GLRA3: variants seen among roughly 807,000 people sequenced by gnomAD.
GLRA3 encodes the protein glycine receptor alpha 3.
A neutral mutation model predicts 60.4 loss-of-function variants in GLRA3; 44 were observed. That is an observed-to-expected ratio of 0.73 (90% CI 0.57 to 0.94). The LOEUF is 0.94. Among genes scored for constraint, GLRA3 ranks in the 40% least tolerant of loss-of-function variants. The pLI, the probability that GLRA3 is intolerant of heterozygous loss-of-function variation, is 0.00. For synonymous variants in GLRA3, 223 were observed against 192.9 expected (o/e 1.16, Z -1.29); for missense variants, 508 against 564.6 (o/e 0.90, Z 1.02).
At chr4:174,789,366 G>T (rs1328950030) in intron 1 of GLRA3, among the ~76,000 whole-genome samples, 1 of 151,794 alleles carries the variant, frequency 6.6e-6, no homozygotes, top group East Asian at 1.9e-4. Context: ...TTCAGGTTTT[G>T]TGAATTATTC....
At chr4:174,689,751 C>T (rs563509047) in intron 5 of GLRA3, among the ~76,000 whole-genome samples, 2 of 79,264 alleles carry the variant, frequency 2.5e-5, no homozygotes, top group Non-Finnish European at 4.5e-5. Context: ...AGTGGTAAGT[C>T]GCATTAAAAA....
chr4:174,716,983 T>C (rs913439352), intron 4 of GLRA3, among the ~76,000 whole-genome samples: 13 of 151,830 alleles, frequency 8.6e-5, no homozygotes, highest in Non-Finnish European at 1.8e-4. Context: ...AGAGGATCGC[T>C]TGAGCCCAGT....
At chr4:174,806,196 A>T (rs1740044425) in intron 1 of GLRA3, among the ~76,000 whole-genome samples, 1 of 152,158 alleles carries the variant, frequency 6.6e-6, no homozygotes, top group Admixed American at 6.6e-5. Flanking sequence ...TATAAACTTA[A>T]ATCTGCAGCT....
chr4:174,664,432 A>T (rs1733577857), intron 7 of GLRA3, among the ~76,000 whole-genome samples: 1 of 152,122 alleles, frequency 6.6e-6, no homozygotes, highest in South Asian at 2.1e-4. Flanking sequence ...AAACAAAAAA[A>T]CAACAACAGC....
chr4:174,701,770 A>T (rs1377762704), intron 5 of GLRA3, among the ~76,000 whole-genome samples: 1 of 152,218 alleles, frequency 6.6e-6, no homozygotes. Flanking sequence ...TTAAGACTTC[A>T]GTGGAGGAAG....
chr4:174,743,817 C>A (rs1737120913), intron 3 of GLRA3, among the ~76,000 whole-genome samples: 1 of 152,000 alleles, frequency 6.6e-6, no homozygotes, highest in Non-Finnish European at 1.5e-5. Flanking sequence ...ATATTACATA[C>A]AATAGGTGTT....
intron 7 of GLRA3, among the ~76,000 whole-genome samples, chr4:174,674,443 G>A (rs1396585384): frequency 6.6e-6 from 1 of 152,130 alleles, no homozygotes; most frequent in East Asian, 1.9e-4. Context: ...TGCTTTGAGA[G>A]ACTACATGCT....
In GLRA3 at chr4:174,678,338, C is replaced by T. The variant is rs143627663; in HGVS notation, c.713-1046G>A. On this transcript the variant is annotated intron_variant, in intron 6 of 9. Transcript: ENST00000274093. ...TTTATACTACTCTATGTTATCTCTC[C>T]TTTATAAAAATTGTTCTTCTAAATC... is the stretch of plus-strand genomic sequence containing the variant. Among the ~76,000 whole-genome samples, 913 of 152,270 alleles carry T rather than the reference C, an allele frequency of 6.0e-3. 9 individuals carry two copies. Among genetic ancestry groups the T allele is most frequent in the African/African-American group, 0.021 (881 of 41,556 alleles).
chr4:174,691,540 C>A (rs544482415), intron 5 of GLRA3, among the ~76,000 whole-genome samples: 1 of 151,960 alleles, frequency 6.6e-6, no homozygotes, highest in African/African-American at 2.4e-5. Flanking sequence ...CAGGCGCGCG[C>A]GCCGCCACGC....
At chr4:174,750,020 C>T (rs17060835) in intron 3 of GLRA3, among the ~76,000 whole-genome samples, 8,244 of 152,110 alleles carry the variant, frequency 0.054, 287 homozygotes, top group Non-Finnish European at 0.059. Context: ...AGGGGTATAC[C>T]TATTTTTCTT....
At chr4:174,725,712 G>A (rs1485171232) in intron 4 of GLRA3, among the ~76,000 whole-genome samples, 1 of 152,020 alleles carries the variant, frequency 6.6e-6, no homozygotes, top group African/African-American at 2.4e-5. Context: ...AAACTCCTGG[G>A]CTCAAGCAAT....
intron 8 of GLRA3, 135 bp downstream of exon 8, chr4:174,658,919 G>A (rs1579399057): frequency 1.4e-6 from 1 of 736,750 alleles, no homozygotes. Flanking sequence ...GTTTGGATTG[G>A]AAAAAAATGA....
At chr4:174,683,532 GT>G (rs1734438325) in intron 5 of GLRA3, among the ~76,000 whole-genome samples, 1 of 151,984 alleles carries the variant, frequency 6.6e-6, no homozygotes, top group Non-Finnish European at 1.5e-5. Flanking sequence ...TGTATTTTTA[GT>G]AGAGACGGGG....
At chr4:174,744,999 C>T (rs927131761) in intron 3 of GLRA3, among the ~76,000 whole-genome samples, 26 of 151,928 alleles carry the variant, frequency 1.7e-4, no homozygotes, top group African/African-American at 5.1e-4. Context: ...AAGAACTCCC[C>T]GAATAAAATG....
At chr4:174,779,240 T>C (rs1237011088) in intron 2 of GLRA3, among the ~76,000 whole-genome samples, 3 of 152,102 alleles carry the variant, frequency 2.0e-5, no homozygotes, top group African/African-American at 7.2e-5. Context: ...CCAACAGACC[T>C]GCAGCTGAGG....
chr4:174,724,185 G>A (rs575268825), intron 4 of GLRA3, among the ~76,000 whole-genome samples: 1 of 151,690 alleles, frequency 6.6e-6, no homozygotes, highest in Non-Finnish European at 1.5e-5. Context: ...ATAATATGGG[G>A]TTATTACTGT....
chr4:174,647,199 G>T (rs1732855689), intron 9 of GLRA3, among the ~76,000 whole-genome samples: 1 of 152,098 alleles, frequency 6.6e-6, no homozygotes, highest in Non-Finnish European at 1.5e-5. Context: ...TTGAGCGCAG[G>T]AGTTGGGGAC....
chr4:174,642,984 T>C lies in GLRA3; in HGVS notation c.*802A>G. On this transcript the variant is annotated 3_prime_UTR_variant, in exon 10 of 10. Transcript: ENST00000274093. ...TACAGTTAAGTAGCTATTAAAAGTC[T>C]AACAAAAACAAGGGTGCTGGCTTGA... 1 of 883,976 alleles carries C rather than the reference T, an allele frequency of 1.1e-6. No homozygotes were observed. The highest frequency in any genetic ancestry group is 1.4e-6 in the Non-Finnish European group (1 of 738,174). 54.8% of individuals were successfully genotyped at this position (883,976 alleles called of 1,614,324 possible). A position where few individuals can be genotyped will look rare whatever the true frequency, so the allele number is the denominator to read the frequency against.
At chr4:174,757,374 T>C (rs1737761831) in intron 3 of GLRA3, among the ~76,000 whole-genome samples, 1 of 152,162 alleles carries the variant, frequency 6.6e-6, no homozygotes, top group South Asian at 2.1e-4. Flanking sequence ...TGATCAGATC[T>C]GGGTTTCTAC....
Sources: allele counts gnomAD v4.1 joint callset (sites outside exome capture counted in the v4.1 genomes callset), GRCh38; gene constraint gnomAD v4.1.1; transcripts MANE v1.5; gene names NCBI Gene and HGNC (gene_info 2026-07-23, HGNC 2026-07-21).